Variants in SPOP observed in about 807,000 individuals in gnomAD.
The protein encoded by SPOP is speckle-type POZ protein.
SPOP carries 11 observed loss-of-function variants against 45.6 expected under a neutral mutation model. The observed-to-expected ratio is 0.24, with a 90% CI of 0.15 to 0.40. The LOEUF (loss-of-function observed/expected upper bound fraction) is 0.40, where lower values mean the gene tolerates loss of function less well. Among genes scored for constraint, SPOP ranks in the 10% least tolerant of loss-of-function variants. The pLI is 1.00. For missense variants in SPOP, 152 were observed against 465.6 expected (o/e 0.33, Z 6.20); for synonymous variants, 166 against 166.3 (o/e 1.00, Z 0.01).
chr17:49,627,257 G>T (rs1386697982), intron 1 of SPOP, among the ~76,000 whole-genome samples: 2 of 152,196 alleles, frequency 1.3e-5, no homozygotes, highest in East Asian at 3.8e-4. Context: ...GGCCTCCCTG[G>T]CTTGTGCAAT....
intron 1 of SPOP, chr17:49,636,290 G>A (rs559482671): frequency 6.6e-6 from 1 of 152,154 alleles, no homozygotes; most frequent in African/African-American, 2.4e-5. Context: ...GAGTCACCAT[G>A]CCCGACCTTC....
chr17:49,670,178 G>T (rs934837464), intron 1 of SPOP, among the ~76,000 whole-genome samples: 4 of 152,198 alleles, frequency 2.6e-5, no homozygotes, highest in African/African-American at 4.8e-5. Flanking sequence ...ATTAAAACAT[G>T]ATCATAATTG....
intron 6 of SPOP, among the ~76,000 whole-genome samples, chr17:49,610,259 C>T (rs1315587145): frequency 6.6e-6 from 1 of 151,720 alleles, no homozygotes; most frequent in Admixed American, 6.6e-5. Context: ...TGCTCTGTTG[C>T]CCAGGCTGGA....
At chr17:49,651,950 C>T (rs538958297) in intron 1 of SPOP, among the ~76,000 whole-genome samples, 5 of 151,348 alleles carry the variant, frequency 3.3e-5, no homozygotes, top group Admixed American at 6.6e-5. Flanking sequence ...ACCCAGGAGG[C>T]GAAGGTTGCA....
chr17:49,655,497 C>T (rs957796786), intron 1 of SPOP, among the ~76,000 whole-genome samples: 5 of 150,758 alleles, frequency 3.3e-5, no homozygotes, highest in East Asian at 1.9e-4. Flanking sequence ...GGCGACAGAG[C>T]GAGACTCCGT....
intron 1 of SPOP, among the ~76,000 whole-genome samples, chr17:49,632,338 G>A (rs1285557046): frequency 1.3e-5 from 2 of 152,164 alleles, no homozygotes; most frequent in African/African-American, 4.8e-5. Flanking sequence ...GAAGAAAAGG[G>A]AAACGTACAG....
rs573532538 is a variant in SPOP, at chr17:49,649,947, A to G, written c.-66-27071T>C. Among the ~76,000 whole-genome samples, 479 of 152,070 alleles carry G rather than the reference A, an allele frequency of 3.1e-3. 3 individuals are homozygous for G. The highest frequency in any genetic ancestry group is 1.0e-2 in the African/African-American group (415 of 41,510). ...CTTCTTGTTGCTCAGGCTGGAGTAC[A>G]ATGGCACGATCTCGGCTCACCTCAA... On this transcript the variant is annotated intron_variant, in intron 1 of 9. Transcript: ENST00000504102.
intron 3 of SPOP, 63 bp downstream of exon 3, chr17:49,621,881 CCA>C (rs1347704937): frequency 1.2e-4 from 180 of 1,555,324 alleles, no homozygotes; most frequent in Middle Eastern, 3.6e-4. Flanking sequence ...TGTCAGTGTC[CCA>C]TAAAACCAAA....
At chr17:49,673,015 A>C (rs1456738279) in intron 1 of SPOP, among the ~76,000 whole-genome samples, 1 of 152,182 alleles carries the variant, frequency 6.6e-6, no homozygotes, top group Non-Finnish European at 1.5e-5. Flanking sequence ...CTAAAGAGAT[A>C]TATTTGGAGG....
chr17:49,672,893 G>A (rs2073154278), intron 1 of SPOP, among the ~76,000 whole-genome samples: 1 of 152,038 alleles, frequency 6.6e-6, no homozygotes, highest in Non-Finnish European at 1.5e-5. Context: ...GTTGCAGTGA[G>A]CCAAGATCAT....
chr17:49,619,190 C>A lies in SPOP; in HGVS notation c.352+44G>T, dbSNP rs2143267692. On this transcript the variant is annotated intron_variant, in intron 4 of 9. Coordinates refer to ENST00000504102, the MANE Select transcript of SPOP (RefSeq NM_001007228.2). The surrounding 1 kb of genome is among the most constrained non-coding windows in gnomAD (Gnocchi z 4.9). ...CACAACTTGTCAGTGTATGAAACTT[C>A]TGGATGTGAAACTTAAGAGTTGAAC... 1 of 1,613,884 alleles carries A rather than the reference C, an allele frequency of 6.2e-7. No individual in the cohort carries two copies. Among genetic ancestry groups the A allele is most frequent in the Non-Finnish European group, 8.5e-7 (1 of 1,179,954 alleles).
intron 1 of SPOP, among the ~76,000 whole-genome samples, chr17:49,635,632 C>T (rs1276663212): frequency 3.3e-5 from 4 of 121,640 alleles, no homozygotes; most frequent in African/African-American, 6.1e-5. Flanking sequence ...AGGTATCTCT[C>T]TTTTTTTTTT....
chr17:49,604,253 A>C (rs2071793181), intron 8 of SPOP, among the ~76,000 whole-genome samples: 1 of 152,208 alleles, frequency 6.6e-6, no homozygotes, highest in Non-Finnish European at 1.5e-5. Flanking sequence ...CATTAAAAGC[A>C]AGTTTCCCCT....
chr17:49,608,795 G>A (rs1278954141), intron 6 of SPOP, among the ~76,000 whole-genome samples: 3 of 152,156 alleles, frequency 2.0e-5, no homozygotes, highest in Non-Finnish European at 2.9e-5. Flanking sequence ...GATTACCTAA[G>A]AGTGAAAGAA....
chr17:49,626,551 C>T (rs191136226), intron 1 of SPOP, among the ~76,000 whole-genome samples: 25 of 151,966 alleles, frequency 1.6e-4, no homozygotes, highest in Middle Eastern at 3.4e-3. Context: ...AAAAATTAGC[C>T]GGGTGTGATA....
In SPOP at chr17:49,599,867, G is replaced by A. The variant is rs1202429883; in HGVS notation, c.*511C>T. 1 of 220,486 alleles carries A rather than the reference G, an allele frequency of 4.5e-6. No individual in the cohort carries two copies. Among genetic ancestry groups the A allele is most frequent in the African/African-American group, 2.2e-5 (1 of 44,526 alleles). The allele number at this position is 220,486 out of a possible 1,614,324, so 13.7% of individuals were successfully genotyped here. A position where few individuals can be genotyped will look rare whatever the true frequency, so the allele number is the denominator to read the frequency against. On this transcript the variant is annotated 3_prime_UTR_variant, in exon 10 of 10. Coordinates refer to ENST00000504102, the MANE Select transcript of SPOP (RefSeq NM_001007228.2). ...GTAAGGAGTTTTCACAAATATCCAA[G>A]TTTTAGCACAGTTAGAAGGACTAAA... is the stretch of plus-strand genomic sequence containing the variant.
At chr17:49,641,980 G>C (rs1597957933) in intron 1 of SPOP, among the ~76,000 whole-genome samples, 1 of 151,710 alleles carries the variant, frequency 6.6e-6, no homozygotes, top group South Asian at 2.1e-4. Flanking sequence ...GAGCCAAGAT[G>C]ACGCCACTGC....
At chr17:49,602,642 G>A (rs2071761912) in intron 8 of SPOP, among the ~76,000 whole-genome samples, 1 of 152,186 alleles carries the variant, frequency 6.6e-6, no homozygotes, top group Admixed American at 6.5e-5. Flanking sequence ...GTTTCTGAAT[G>A]AGGGTCAACT....
intron 1 of SPOP, among the ~76,000 whole-genome samples, chr17:49,665,633 A>G (rs2073045106): frequency 7.7e-6 from 1 of 129,788 alleles, no homozygotes; most frequent in Non-Finnish European, 1.6e-5. Context: ...GCAAAAAAAG[A>G]TTATATATAT....
Sources: allele counts gnomAD v4.1 joint callset (sites outside exome capture counted in the v4.1 genomes callset), GRCh38; gene constraint gnomAD v4.1.1; non-coding constraint Gnocchi (gnomAD v3.1); transcripts MANE v1.5; gene names NCBI Gene and HGNC (gene_info 2026-07-23, HGNC 2026-07-21).